The following SPTBN1 variants were observed in gnomAD, a reference collection of about 807,000 sequenced individuals.
SPTBN1 encodes the protein spectrin beta chain, non-erythrocytic 1.
SPTBN1 carries 32 observed loss-of-function variants against 266.4 expected under a neutral mutation model. That is an observed-to-expected ratio of 0.12 (90% CI 0.09 to 0.16). The LOEUF is 0.16. Ranked by LOEUF, SPTBN1 falls within the 10% of genes least tolerant of loss-of-function variation. The pLI is 1.00. For synonymous variants in SPTBN1, 1,336 were observed against 1,162.2 expected, an observed-to-expected ratio of 1.15 and a Z score of -3.04; for missense variants, 2,296 against 3,067.1, an observed-to-expected ratio of 0.75 and a Z score of 5.94.
At position 54,668,721 on chromosome 2, in the gene SPTBN1, T is replaced by A; in HGVS notation, c.*152T>A. 4.5e-6 allele frequency: 2 copies of A among 441,822 alleles called. No individual in the cohort carries two copies. Among genetic ancestry groups the A allele is most frequent in the Non-Finnish European group, 7.7e-6 (2 of 258,500 alleles). The allele number at this position is 441,822 out of a possible 1,614,324, so 27.4% of individuals were successfully genotyped here. A position where few individuals can be genotyped will look rare whatever the true frequency, so the allele number is the denominator to read the frequency against. On this transcript the variant is annotated 3_prime_UTR_variant, in exon 36 of 36. Coordinates refer to ENST00000356805, the MANE Select transcript of SPTBN1 (RefSeq NM_003128.3). ...AATTTATAGAGCATTTCGGGGGGGG[T>A]GGGGGAAACACACCTAAACACTTTA... is the stretch of plus-strand genomic sequence containing the variant.
Position 54,562,277 on chromosome 2 carries a change from T to C in SPTBN1, c.148+35711T>C, listed in dbSNP as rs373009684. ...CATGAGAGAACACTCATCATGCCAC[T>C]TTCCCCCTCAGAAACAGTTGCTTGT... On this transcript the variant is annotated intron_variant, in intron 2 of 35. Transcript: ENST00000356805. 3.3e-5 allele frequency among the ~76,000 whole-genome samples: 5 copies of C among 152,328 alleles called. No individual in the cohort carries two copies. The East Asian group carries it at 9.6e-4, about 29-fold the overall frequency.
chr2:54,479,800 A>G (rs1668011346), intron 1 of SPTBN1, among the ~76,000 whole-genome samples: 1 of 152,206 alleles, frequency 6.6e-6, no homozygotes, highest in Admixed American at 6.5e-5. Flanking sequence ...TTCATGTAAT[A>G]ACCATTTAAG....
At chr2:54,665,405 C>T (rs1169856220) in intron 33 of SPTBN1, among the ~76,000 whole-genome samples, 1 of 152,142 alleles carries the variant, frequency 6.6e-6, no homozygotes, top group Non-Finnish European at 1.5e-5. Context: ...TTTGCCATAC[C>T]ATAGGGGAAA....
chr2:54,582,428 G>A (rs1297591735), intron 2 of SPTBN1, among the ~76,000 whole-genome samples: 4 of 151,956 alleles, frequency 2.6e-5, no homozygotes, highest in East Asian at 3.9e-4. Context: ...GCCAGGCATA[G>A]TGGCGGGCGC....
intron 2 of SPTBN1, among the ~76,000 whole-genome samples, chr2:54,580,737 G>A (rs1298548008): frequency 4.6e-5 from 7 of 152,016 alleles, no homozygotes; most frequent in Non-Finnish European, 1.0e-4. Context: ...AGGCCTGGGG[G>A]AGCCAATATG....
chr2:54,461,450 C>G (rs1194496698), intron 1 of SPTBN1, among the ~76,000 whole-genome samples: 1 of 152,120 alleles, frequency 6.6e-6, no homozygotes, highest in African/African-American at 2.4e-5. Context: ...GCACACACAC[C>G]CATTTGCTGT....
intron 1 of SPTBN1, among the ~76,000 whole-genome samples, chr2:54,512,446 T>G (rs1314002898): frequency 6.6e-6 from 1 of 152,172 alleles, no homozygotes; most frequent in East Asian, 1.9e-4. Context: ...TTGAGAAAAT[T>G]TAATAAAGTG....
At position 54,660,054 on chromosome 2, in the gene SPTBN1, A is replaced by G. The variant is rs202035926; in HGVS notation, c.6420+55A>G. 175 of 1,614,248 alleles carry G rather than the reference A, an allele frequency of 1.1e-4. No homozygotes were observed. In the East Asian group the frequency reaches 3.3e-3, roughly 31 times the overall value. ...CTACAAAAACTTTAATAGCAGACGG[A>G]CAGCCAGTGACCAGCCATGGTCTGG... On this transcript the variant is annotated intron_variant, in intron 32 of 35. Transcript: ENST00000356805.
chr2:54,562,533 C>CTTTTTTTCTTTTTTCT (rs746897447), intron 2 of SPTBN1, among the ~76,000 whole-genome samples: 1 of 126,828 alleles, frequency 7.9e-6, no homozygotes, highest in African/African-American at 3.2e-5. Context: ...TTTTCTTTTT[C>CTTTTTTTCTTTTTTCT]TTTTTTTTTT....
chr2:54,529,819 T>G, intron 2 of SPTBN1: 1 of 459,330 alleles, frequency 2.2e-6, no homozygotes, highest in South Asian at 1.6e-5. Context: ...TGAGTCCATC[T>G]GGCTAATTCT....
At chr2:54,472,030 T>TTTTTTG (rs1573217680) in intron 1 of SPTBN1, among the ~76,000 whole-genome samples, 1 of 124,294 alleles carries the variant, frequency 8.0e-6, no homozygotes, top group African/African-American at 3.3e-5. Flanking sequence ...ATGTTTTTTT[T>TTTTTTG]TTTTTTTTTT....
At chr2:54,607,367 A>G (rs1676915512) in intron 3 of SPTBN1, among the ~76,000 whole-genome samples, 1 of 152,226 alleles carries the variant, frequency 6.6e-6, no homozygotes, top group Non-Finnish European at 1.5e-5. Flanking sequence ...TCACGCCTGT[A>G]ATCCCAGCAC....
intron 2 of SPTBN1, among the ~76,000 whole-genome samples, chr2:54,587,383 G>C (rs1445798710): frequency 6.6e-6 from 1 of 152,180 alleles, no homozygotes; most frequent in Non-Finnish European, 1.5e-5. Flanking sequence ...GAGTGTGCCT[G>C]TTACGGTTGG....
chr2:54,481,387 C>T (rs902997559), intron 1 of SPTBN1, among the ~76,000 whole-genome samples: 13 of 134,158 alleles, frequency 9.7e-5, no homozygotes, highest in Non-Finnish European at 2.1e-4. Context: ...GCTGCAGAAA[C>T]CTGAGTGTGT....
In SPTBN1 at chr2:54,664,899, A is replaced by T; in HGVS notation, c.6659+208A>T. 1 of 582,704 alleles carries T rather than the reference A, an allele frequency of 1.7e-6. No homozygotes were observed. 36.1% of individuals were successfully genotyped at this position (582,704 alleles called of 1,614,324 possible). A position where few individuals can be genotyped will look rare whatever the true frequency, so the allele number is the denominator to read the frequency against. ...CTGAGAGAAGAAGAGTTGAGTTTGG[A>T]TGGGAGTAGCTAGAAGGGGCTTTAG... On this transcript the variant is annotated intron_variant, in intron 33 of 35. Transcript: ENST00000356805. This position sits in a 1 kb window ranked among gnomAD's most constrained non-coding sequence, Gnocchi z 5.6.
rs1679094886 is a variant in SPTBN1, at chr2:54,635,935, ATC to A, written c.3768-1776_3768-1775del. Among the ~76,000 whole-genome samples the A allele has an allele frequency of 2.0e-5, 3 of 152,202 alleles. No homozygotes were observed. In the South Asian group the frequency reaches 6.2e-4, roughly 32 times the overall value. On this transcript the variant is annotated intron_variant, in intron 17 of 35. Coordinates refer to ENST00000356805, the MANE Select transcript of SPTBN1 (RefSeq NM_003128.3). The stretch of plus-strand genomic sequence containing the variant: ...TCTTTTTAGCCCAAATTCACTAACA[ATC>A]TTTTATTTTTTTAAATTTAATTTTG...
At chr2:54,612,076 T>C (rs1677255976) in intron 3 of SPTBN1, 85 bp from the exon 4 acceptor site, 1 of 1,312,086 alleles carries the variant, frequency 7.6e-7, no homozygotes, top group Non-Finnish European at 1.0e-6. Context: ...ATTGCATGAA[T>C]GGGCACATGT....
chr2:54,567,940 G>A (rs551528308), intron 2 of SPTBN1, among the ~76,000 whole-genome samples: 23 of 152,198 alleles, frequency 1.5e-4, no homozygotes, highest in Admixed American at 1.2e-3. Flanking sequence ...GTGAAATAGG[G>A]GACTTAGAAC....
chr2:54,519,298 G>A (rs1670286972), intron 1 of SPTBN1, among the ~76,000 whole-genome samples: 2 of 152,154 alleles, frequency 1.3e-5, no homozygotes, highest in African/African-American at 2.4e-5. Context: ...GCTTATTGAT[G>A]GTAAGTAAAT....
Sources: allele counts gnomAD v4.1 joint callset (sites outside exome capture counted in the v4.1 genomes callset), GRCh38; gene constraint gnomAD v4.1.1; non-coding constraint Gnocchi (gnomAD v3.1); transcripts MANE v1.5; gene names NCBI Gene and HGNC (gene_info 2026-07-23, HGNC 2026-07-21).